Variants in FRMD5 observed in about 807,000 individuals in gnomAD.
FRMD5 encodes FERM domain containing 5.
A neutral mutation model predicts 69.0 loss-of-function variants in FRMD5; 20 were observed. The ratio of observed to expected loss-of-function variants is 0.29; its 90% CI spans 0.20 to 0.42. The LOEUF is 0.42. Among genes scored for constraint, FRMD5 ranks in the 10% least tolerant of loss-of-function variants. The pLI, the probability that FRMD5 is intolerant of heterozygous loss-of-function variation, is 1.00. For missense variants in FRMD5, 595 were observed against 708.6 expected, an observed-to-expected ratio of 0.84 and a Z score of 1.82; for synonymous variants, 271 against 260.1, an observed-to-expected ratio of 1.04 and a Z score of -0.40.
At chr15:44,192,006 G>C (rs895076880) in intron 1 of FRMD5, among the ~76,000 whole-genome samples, 2 of 147,132 alleles carry the variant, frequency 1.4e-5, no homozygotes, top group Non-Finnish European at 3.0e-5. Flanking sequence ...CATTTACGAG[G>C]AAATGACCTT....
At chr15:44,058,255 T>C (rs1455024735) in intron 1 of FRMD5, among the ~76,000 whole-genome samples, 1 of 151,990 alleles carries the variant, frequency 6.6e-6, no homozygotes, top group Non-Finnish European at 1.5e-5. Flanking sequence ...AGACCACACA[T>C]GGTAGGTATA....
In FRMD5 at chr15:43,960,853, G is replaced by A. The variant is rs563525037; in HGVS notation, c.103-36544C>T. On this transcript the variant is annotated intron_variant, in intron 1 of 13. Coordinates refer to ENST00000417257, the MANE Select transcript of FRMD5 (RefSeq NM_032892.5). ...GTCCCATTTTATGGCTTAAAGCTGAGTAGCAAAAGTAGACAAATTGAAGTC... is the reference window on the plus strand; with the variant it reads ...GTCCCATTTTATGGCTTAAAGCTGAATAGCAAAAGTAGACAAATTGAAGTC... Among the ~76,000 whole-genome samples the A allele has an allele frequency of 3.9e-5, 6 of 152,244 alleles. No homozygotes were observed. In the East Asian group the frequency reaches 1.2e-3, roughly 29 times the overall value.
chr15:44,020,136 CT>C (rs955299163), intron 1 of FRMD5, among the ~76,000 whole-genome samples: 6 of 149,440 alleles, frequency 4.0e-5, no homozygotes, highest in South Asian at 2.1e-4. Context: ...CATATCATAT[CT>C]TTTTTTTTTC....
chr15:43,999,564 T>C (rs952891395), intron 1 of FRMD5, among the ~76,000 whole-genome samples: 1 of 152,090 alleles, frequency 6.6e-6, no homozygotes, highest in Non-Finnish European at 1.5e-5. Context: ...TGCAAGTTTG[T>C]TCCCTCTTAC....
At chr15:44,056,266 G>A (rs1665378232) in intron 1 of FRMD5, among the ~76,000 whole-genome samples, 1 of 152,076 alleles carries the variant, frequency 6.6e-6, no homozygotes, top group African/African-American at 2.4e-5. Flanking sequence ...ATACCCAGGA[G>A]GAAAACTAGC....
chr15:44,038,746 G>A (rs1374269433), intron 1 of FRMD5, among the ~76,000 whole-genome samples: 4 of 151,954 alleles, frequency 2.6e-5, no homozygotes, highest in East Asian at 1.9e-4. Flanking sequence ...CGGGAAGCAC[G>A]AGGGGTCAGG....
At chr15:43,880,015 C>T (rs934715711) in intron 13 of FRMD5, among the ~76,000 whole-genome samples, 1 of 152,174 alleles carries the variant, frequency 6.6e-6, no homozygotes, top group Non-Finnish European at 1.5e-5. Flanking sequence ...GGGCTCCAAC[C>T]TCTCAGAGGG....
Position 43,919,336 on chromosome 15 carries a change from AG to A in FRMD5, c.329+122del, listed in dbSNP as rs886253678. On this transcript the variant is annotated intron_variant, in intron 4 of 13. Transcript: ENST00000417257. ...ATGAAATACAGAAGTCATTATATTT[AG>A]GAAGAGTTCCTTGCCTCTAAGAGTT... The A allele has an allele frequency of 3.6e-6, 3 of 838,228 alleles. No individual in the cohort carries two copies. The African/African-American group carries it at 5.0e-5, about 14-fold the overall frequency. The allele number at this position is 838,228 out of a possible 1,614,324, so 51.9% of individuals were successfully genotyped here. A position where few individuals can be genotyped will look rare whatever the true frequency, so the allele number is the denominator to read the frequency against.
At chr15:43,955,957 G>C (rs1178101727) in intron 1 of FRMD5, among the ~76,000 whole-genome samples, 4 of 152,136 alleles carry the variant, frequency 2.6e-5, no homozygotes, top group Non-Finnish European at 5.9e-5. Flanking sequence ...ATAAGGCTAA[G>C]TAACTAGTAC....
At chr15:43,952,109 G>T (rs561748004) in intron 1 of FRMD5, among the ~76,000 whole-genome samples, 5 of 151,684 alleles carry the variant, frequency 3.3e-5, no homozygotes, top group African/African-American at 1.2e-4. Flanking sequence ...AGCTCTCCTA[G>T]GAGGGGTAAA....
intron 1 of FRMD5, among the ~76,000 whole-genome samples, chr15:44,162,685 T>A (rs1229613978): frequency 6.9e-6 from 1 of 145,676 alleles, no homozygotes; most frequent in East Asian, 2.1e-4. Context: ...CTGACCAACA[T>A]GGAGAAACTC....
chr15:44,013,360 T>A (rs1043561709), intron 1 of FRMD5, among the ~76,000 whole-genome samples: 4 of 152,172 alleles, frequency 2.6e-5, no homozygotes, highest in African/African-American at 9.6e-5. Flanking sequence ...AAAGATATAT[T>A]TCCAAAGTTC....
At chr15:44,044,516 A>T (rs547725500) in intron 1 of FRMD5, among the ~76,000 whole-genome samples, 30 of 152,326 alleles carry the variant, frequency 2.0e-4, no homozygotes, top group African/African-American at 7.2e-4. Flanking sequence ...AACCAACCCA[A>T]ATGTCCATCA....
intron 13 of FRMD5, among the ~76,000 whole-genome samples, chr15:43,882,218 G>A (rs2088547689): frequency 6.6e-6 from 1 of 152,096 alleles, no homozygotes; most frequent in South Asian, 2.1e-4. Context: ...CAGCTATTGG[G>A]GTATCTAGTT....
intron 1 of FRMD5, among the ~76,000 whole-genome samples, chr15:43,941,282 C>T (rs559870582): frequency 1.3e-5 from 2 of 152,222 alleles, no homozygotes; most frequent in South Asian, 2.1e-4. Flanking sequence ...GTGGGAGGAT[C>T]GCTGTGTTGC....
chr15:44,103,269 A>T (rs543331833), intron 1 of FRMD5, among the ~76,000 whole-genome samples: 52 of 152,310 alleles, frequency 3.4e-4, no homozygotes, highest in Non-Finnish European at 6.8e-4. Flanking sequence ...CAGAATCCAA[A>T]GTTTCTCCAG....
intron 1 of FRMD5, among the ~76,000 whole-genome samples, chr15:44,051,803 G>A (rs931853715): frequency 3.3e-5 from 5 of 152,200 alleles, no homozygotes; most frequent in Admixed American, 3.3e-4. Context: ...GATTAACTGA[G>A]CTTATAGGTT....
intron 1 of FRMD5, among the ~76,000 whole-genome samples, chr15:44,077,606 G>C (rs1233407578): frequency 6.6e-6 from 1 of 152,002 alleles, no homozygotes; most frequent in Non-Finnish European, 1.5e-5. Flanking sequence ...TAATAAAAAT[G>C]AGTGAATCCA....
chr15:44,092,569 G>A (rs2076488295), intron 1 of FRMD5, among the ~76,000 whole-genome samples: 1 of 152,112 alleles, frequency 6.6e-6, no homozygotes, highest in African/African-American at 2.4e-5. Flanking sequence ...CACTGCCAAT[G>A]GAATTAAGTG....
Sources: allele counts gnomAD v4.1 joint callset (sites outside exome capture counted in the v4.1 genomes callset), GRCh38; gene constraint gnomAD v4.1.1; transcripts MANE v1.5; gene names NCBI Gene and HGNC (gene_info 2026-07-23, HGNC 2026-07-21).